Variants in SMAP1 observed in about 807,000 individuals in gnomAD.
The protein encoded by SMAP1 is stromal membrane-associated protein 1.
SMAP1 carries 24 observed loss-of-function variants against 58.5 expected under a neutral mutation model. The observed-to-expected ratio is 0.41, with a 90% CI of 0.30 to 0.58. The LOEUF (loss-of-function observed/expected upper bound fraction) is 0.58, where lower values mean the gene tolerates loss of function less well. Ranked by LOEUF, SMAP1 falls within the 20% of genes least tolerant of loss-of-function variation. The pLI, the probability that SMAP1 is intolerant of heterozygous loss-of-function variation, is 0.29. For missense variants in SMAP1, 563 were observed against 566.3 expected, an observed-to-expected ratio of 0.99 and a Z score of 0.06; for synonymous variants, 216 against 196.6, an observed-to-expected ratio of 1.10 and a Z score of -0.82.
At chr6:70,817,248 A>C (rs910890971) in intron 6 of SMAP1, among the ~76,000 whole-genome samples, 3 of 151,724 alleles carry the variant, frequency 2.0e-5, no homozygotes, top group African/African-American at 7.3e-5. Context: ...TTCTCACCAC[A>C]CCTTAGGACC....
Position 70,668,103 on chromosome 6 carries a change from A to G in SMAP1, c.80A>G (p.Glu27Gly). Residue 27 changes from glutamate (E) to glycine (G), a missense_variant, in exon 1 of 11, where the codon GAG becomes GGG. By Grantham distance (98) the Glu-to-Gly change is moderately conservative (BLOSUM62 -2). Around this residue, in one of 3 missense-constraint regions of SMAP1, gnomAD observed 52 missense variants for 46.6 expected, o/e 1.11. Coordinates refer to ENST00000370455, the MANE Select transcript of SMAP1 (RefSeq NM_001044305.3). ...HQLILSKLLR[E>G]EDNKYCADCE... ...CTCATCCTATCCAAGCTTCTGAGGG[A>G]GGAGGACAACAAGTACTGCGCCGAC... 1.2e-6 allele frequency: 2 copies of G among 1,603,750 alleles called. No homozygotes were observed. Among genetic ancestry groups the G allele is most frequent in the Non-Finnish European group, 1.7e-6 (2 of 1,175,848 alleles).
chr6:70,684,480 A>G (rs1345462135), intron 1 of SMAP1, among the ~76,000 whole-genome samples: 1 of 152,236 alleles, frequency 6.6e-6, no homozygotes, highest in Non-Finnish European at 1.5e-5. Flanking sequence ...AGGTGAAGCA[A>G]GGATTATGGA....
At chr6:70,859,416 G>C in intron 10 of SMAP1, 1 of 1,542,426 alleles carries the variant, frequency 6.5e-7, no homozygotes, top group Non-Finnish European at 8.8e-7. Context: ...TCCTTTAGTA[G>C]GTATGAAGAC....
At chr6:70,668,749 G>A in intron 1 of SMAP1, 9 of 1,534,166 alleles carry the variant, frequency 5.9e-6, no homozygotes, top group Non-Finnish European at 7.9e-6. Flanking sequence ...AAATTAATTG[G>A]AGAAAGGTCT....
intron 6 of SMAP1, among the ~76,000 whole-genome samples, chr6:70,802,671 A>T (rs903561866): frequency 1.3e-5 from 2 of 152,118 alleles, no homozygotes; most frequent in Non-Finnish European, 2.9e-5. Flanking sequence ...TTATTTTGAG[A>T]TATGTTTCAT....
At chr6:70,720,832 C>G (rs1434186015) in intron 1 of SMAP1, among the ~76,000 whole-genome samples, 1 of 152,152 alleles carries the variant, frequency 6.6e-6, no homozygotes, top group South Asian at 2.1e-4. Context: ...GGACCCTGGG[C>G]CCGGCCCATG....
At chr6:70,762,988 T>C (rs1481513544) in intron 3 of SMAP1, among the ~76,000 whole-genome samples, 1 of 152,002 alleles carries the variant, frequency 6.6e-6, no homozygotes, top group Non-Finnish European at 1.5e-5. Context: ...CTCCAGAAGA[T>C]TGTATACTTA....
At chr6:70,832,727 G>A (rs925721618) in intron 6 of SMAP1, among the ~76,000 whole-genome samples, 4 of 152,162 alleles carry the variant, frequency 2.6e-5, no homozygotes, top group Non-Finnish European at 5.9e-5. Context: ...ACAAGAGGGG[G>A]CCGAAATTGT....
chr6:70,691,860 G>A lies in SMAP1; in HGVS notation c.118+23719G>A, dbSNP rs115690120. On this transcript the variant is annotated intron_variant, in intron 1 of 10. Transcript: ENST00000370455. ...CCACGTTGTCTTTATCCATTCCCCTGTTGATGGACACTTAGGTAGCTTCCA... is the reference window on the plus strand; with the variant it reads ...CCACGTTGTCTTTATCCATTCCCCTATTGATGGACACTTAGGTAGCTTCCA... Among the ~76,000 whole-genome samples, 388 of 152,268 alleles carry A rather than the reference G, an allele frequency of 2.5e-3. 2 individuals are homozygous for A. Among genetic ancestry groups the A allele is most frequent in the African/African-American group, 8.8e-3 (367 of 41,548 alleles).
chr6:70,717,722 G>T (rs949047189), intron 1 of SMAP1, among the ~76,000 whole-genome samples: 1 of 152,158 alleles, frequency 6.6e-6, no homozygotes, highest in African/African-American at 2.4e-5. Context: ...CACATTTTCA[G>T]ATCACATTTT....
intron 1 of SMAP1, among the ~76,000 whole-genome samples, chr6:70,730,482 A>T (rs995173918): frequency 6.6e-6 from 1 of 152,236 alleles, no homozygotes; most frequent in African/African-American, 2.4e-5. Context: ...ATAACGTTGT[A>T]AATTGTTGTG....
intron 1 of SMAP1, among the ~76,000 whole-genome samples, chr6:70,695,203 A>G (rs1238017251): frequency 6.6e-6 from 1 of 152,156 alleles, no homozygotes; most frequent in Non-Finnish European, 1.5e-5. Context: ...AGTTTTTTCT[A>G]AATATAAGAT....
intron 6 of SMAP1, among the ~76,000 whole-genome samples, chr6:70,799,806 A>G (rs1708941554): frequency 6.6e-6 from 1 of 152,216 alleles, no homozygotes; most frequent in Non-Finnish European, 1.5e-5. Context: ...TTTCTGCATC[A>G]TAAAGTATGT....
At chr6:70,721,291 T>G (rs1361801613) in intron 1 of SMAP1, among the ~76,000 whole-genome samples, 2 of 152,182 alleles carry the variant, frequency 1.3e-5, no homozygotes, top group Non-Finnish European at 2.9e-5. Flanking sequence ...ATTGTCTTTC[T>G]CAAGTTCAAA....
chr6:70,826,762 C>A (rs1375319659), intron 6 of SMAP1, among the ~76,000 whole-genome samples: 2 of 151,298 alleles, frequency 1.3e-5, no homozygotes, highest in African/African-American at 4.9e-5. Flanking sequence ...TCTCAAACCC[C>A]AACAAAACAA....
chr6:70,720,836 G>A (rs545656980), intron 1 of SMAP1, among the ~76,000 whole-genome samples: 2 of 152,310 alleles, frequency 1.3e-5, no homozygotes, highest in African/African-American at 4.8e-5. Flanking sequence ...CCTGGGCCCG[G>A]CCCATGAAAC....
At chr6:70,721,356 A>G (rs1263144795) in intron 1 of SMAP1, among the ~76,000 whole-genome samples, 2 of 152,206 alleles carry the variant, frequency 1.3e-5, no homozygotes, top group Admixed American at 6.5e-5. Context: ...ATGCTAAAAC[A>G]TAACAAGAGT....
At chr6:70,680,252 G>T (rs1196004402) in intron 1 of SMAP1, among the ~76,000 whole-genome samples, 1 of 152,066 alleles carries the variant, frequency 6.6e-6, no homozygotes, top group Admixed American at 6.6e-5. Flanking sequence ...AAAACATGGG[G>T]GAAAATCTCT....
chr6:70,791,857 A>G, intron 5 of SMAP1, 88 bp downstream of exon 5: 1 of 1,044,324 alleles, frequency 9.6e-7, no homozygotes, highest in Non-Finnish European at 1.4e-6. Flanking sequence ...GAACACTATA[A>G]TAGTTGTTGA....
Sources: allele counts gnomAD v4.1 joint callset (sites outside exome capture counted in the v4.1 genomes callset), GRCh38; gene constraint gnomAD v4.1.1; regional missense constraint gnomAD v4.1.1; transcripts MANE v1.5; gene names NCBI Gene and HGNC (gene_info 2026-07-23, HGNC 2026-07-21).